SLFN5: variants seen among roughly 807,000 people sequenced by gnomAD.
SLFN5 encodes schlafen family member 5.
Under a neutral mutation model 48.5 loss-of-function variants are expected in SLFN5, and 34 were observed. That is an observed-to-expected ratio of 0.70 (90% CI 0.53 to 0.93). The LOEUF (loss-of-function observed/expected upper bound fraction) is 0.93, where lower values mean the gene tolerates loss of function less well. Among genes scored for constraint, SLFN5 ranks in the 40% least tolerant of loss-of-function variants. The pLI, the probability that SLFN5 is intolerant of heterozygous loss-of-function variation, is 0.00. For synonymous variants in SLFN5, 387 were observed against 396.2 expected (o/e 0.98, Z 0.28); for missense variants, 1,006 against 1,071.3 (o/e 0.94, Z 0.85).
At position 35,257,791 on chromosome 17, in the gene SLFN5, T is replaced by G. The variant is rs553325801; in HGVS notation, c.-40-860T>G. Among the ~76,000 whole-genome samples, 3 of 152,258 alleles carry G rather than the reference T, an allele frequency of 2.0e-5. No homozygotes were observed. The South Asian group carries it at 6.2e-4, about 32-fold the overall frequency. ...CTATGTATCTGTTCCATAGCAACAATGACAGGTTGCCAACTCAATCAGATG... is the reference window on the plus strand; with the variant it reads ...CTATGTATCTGTTCCATAGCAACAAGGACAGGTTGCCAACTCAATCAGATG... On this transcript the variant is annotated intron_variant, in intron 1 of 4. Transcript: ENST00000299977.
rs1482400838 is a variant in SLFN5, at chr17:35,260,999, C to T, written c.1041C>T (p.Leu347=). 1.2e-6 allele frequency: 2 copies of T among 1,613,956 alleles called. No individual in the cohort carries two copies. Among genetic ancestry groups the T allele is most frequent in the South Asian group, 1.1e-5 (1 of 91,066 alleles). The change falls in exon 3 of 5, where the codon CTC becomes CTT. Residue 347 remains leucine (L), a synonymous_variant. Transcript: ENST00000299977. ...TTTCCAGGTGTCCTGAGATGGTTCT[C>T]CAGTTGAGTTTGTCATCTGCCACGC... The part of the protein sequence containing the change: ...PDLSRCPEMV[L]QLSLSSATPR...
Position 35,265,176 on chromosome 17 carries a change from G to C in SLFN5, c.1964G>C (p.Arg655Pro). 6.2e-7 allele frequency: 1 copy of C among 1,614,138 alleles called. No individual in the cohort carries two copies. Among genetic ancestry groups the C allele is most frequent in the Non-Finnish European group, 8.5e-7 (1 of 1,180,020 alleles). ...ATCATTGATGACGCTCAGAATTTCC[G>C]TACTGAAGATGGGGACTGGTATGGG... ...HIIIDDAQNF[R>P]TEDGDWYGKA... Residue 655 changes from arginine (R) to proline (P), a missense_variant, in exon 5 of 5, where the codon CGT (arginine) becomes CCT (proline). Transcript: ENST00000299977.
intron 1 of SLFN5, among the ~76,000 whole-genome samples, chr17:35,247,464 G>A (rs2092433456): frequency 6.6e-6 from 1 of 152,156 alleles, no homozygotes; most frequent in Non-Finnish European, 1.5e-5. Context: ...CCACTGTGTG[G>A]ACTCCCATTT....
chr17:35,256,814 G>A (rs555083753), intron 1 of SLFN5, among the ~76,000 whole-genome samples: 18 of 152,188 alleles, frequency 1.2e-4, no homozygotes, highest in African/African-American at 3.9e-4. Flanking sequence ...CTGAAATCTG[G>A]CTTCACATAC....
rs1186332970 is a variant in SLFN5, at chr17:35,243,121, C to A, written c.-63C>A. On this transcript the variant is annotated 5_prime_UTR_variant, in exon 1 of 5. Transcript: ENST00000299977. ...CGTTGCCTGCTCCCGGAGGGAGACG[C>A]GCTGCCGAGGAGAACCCAGCGGGTA... 6.6e-6 allele frequency: 1 copy of A among 152,386 alleles called. No individual in the cohort carries two copies. The highest frequency in any genetic ancestry group is 6.5e-5 in the Admixed American group (1 of 15,286). The allele number at this position is 152,386 out of a possible 1,614,324, so 9.4% of individuals were successfully genotyped here. A position where few individuals can be genotyped will look rare whatever the true frequency, so the allele number is the denominator to read the frequency against.
At chr17:35,250,063 T>G (rs2092438875) in intron 1 of SLFN5, among the ~76,000 whole-genome samples, 1 of 152,154 alleles carries the variant, frequency 6.6e-6, no homozygotes, top group Non-Finnish European at 1.5e-5. Flanking sequence ...CTAGTAACAC[T>G]CCTGTCCCGC....
Position 35,260,562 on chromosome 17 carries a change from C to T in SLFN5, c.1013-409C>T, listed in dbSNP as rs578003603. Among the ~76,000 whole-genome samples, 3 of 151,932 alleles carry T rather than the reference C, an allele frequency of 2.0e-5. No homozygotes were observed. The East Asian group carries it at 5.8e-4, about 29-fold the overall frequency. ...CAACATGGTGAAACTCCGTCTCTAC[C>T]AAAAATACAAAAAATTAGCTGGATG... On this transcript the variant is annotated intron_variant, in intron 2 of 4. Transcript: ENST00000299977.
Position 35,265,473 on chromosome 17 carries a change from T to G in SLFN5, c.2261T>G (p.Val754Gly), listed in dbSNP as rs907485856. Residue 754 changes from valine to glycine, a missense_variant, in exon 5 of 5, where the codon GTC becomes GGC. By Grantham distance (109) the Val-to-Gly change is moderately radical (BLOSUM62 -3). Transcript: ENST00000299977. ...TATGAACCTAAATGGGCTCAAGGTG[T>G]CCCAGGCAACTTAGAGATTATTGAA... ...MLYEPKWAQGVPGNLEIIEDL... is the reference protein window; with the variant it reads ...MLYEPKWAQGGPGNLEIIEDL... The G allele has an allele frequency of 1.2e-6, 2 of 1,614,090 alleles. No homozygotes were observed. Among genetic ancestry groups the G allele is most frequent in the African/African-American group, 2.7e-5 (2 of 74,920 alleles).
At chr17:35,262,942 G>A (rs1206230559) in intron 3 of SLFN5, among the ~76,000 whole-genome samples, 4 of 152,082 alleles carry the variant, frequency 2.6e-5, no homozygotes, top group Admixed American at 2.6e-4. Flanking sequence ...CCATTGATCT[G>A]TTGCCTGTAC....
intron 1 of SLFN5, among the ~76,000 whole-genome samples, chr17:35,248,853 G>C (rs1185998351): frequency 2.0e-5 from 3 of 152,142 alleles, no homozygotes; most frequent in Non-Finnish European, 4.4e-5. Flanking sequence ...TTGTACACAT[G>C]TTGGTCAGAA....
intron 3 of SLFN5, 33 bp downstream of exon 3, chr17:35,261,129 G>T (rs1238348671): frequency 6.2e-7 from 1 of 1,602,302 alleles, no homozygotes; most frequent in South Asian, 1.1e-5. Flanking sequence ...TTTGGAATAT[G>T]TTGATTGTTC....
chr17:35,261,100 A>C lies in SLFN5; in HGVS notation c.1138+4A>C. ...CAGCAGAAACGCTACTTTCCAGGTAATTGGCCATCTCTGGTTGCTTTGGAA... is the reference window on the plus strand; with the variant it reads ...CAGCAGAAACGCTACTTTCCAGGTACTTGGCCATCTCTGGTTGCTTTGGAA... On this transcript the variant is annotated splice_donor_region_variant and intron_variant, in intron 3 of 4. Coordinates refer to ENST00000299977, the MANE Select transcript of SLFN5 (RefSeq NM_144975.4). The C allele has an allele frequency of 6.2e-7, 1 of 1,612,638 alleles. No individual in the cohort carries two copies. Among genetic ancestry groups the C allele is most frequent in the Non-Finnish European group, 8.5e-7 (1 of 1,179,012 alleles).
chr17:35,264,307 T>G lies in SLFN5; in HGVS notation c.1263T>G (p.Phe421Leu), dbSNP rs1187009351. ...CTTTCTCTCAAGGAATATTGATTTTTTCTCAAAGCTGGGCTGTGGATTTAG... is the reference window on the plus strand; with the variant it reads ...CTTTCTCTCAAGGAATATTGATTTTGTCTCAAAGCTGGGCTGTGGATTTAG... Reference protein sequence around the residue: ...MRPFSQGILIFSQSWAVDLGL... With the variant: ...MRPFSQGILILSQSWAVDLGL... Residue 421 changes from phenylalanine to leucine, a missense_variant, in exon 4 of 5, where the codon TTT becomes TTG. Physicochemically the swap from Phe to Leu is conservative, Grantham distance 22. Transcript: ENST00000299977. 2 of 1,614,200 alleles carry G rather than the reference T, an allele frequency of 1.2e-6. No individual in the cohort carries two copies. Among genetic ancestry groups the G allele is most frequent in the Admixed American group, 3.3e-5 (2 of 60,018 alleles).
intron 1 of SLFN5, among the ~76,000 whole-genome samples, chr17:35,249,329 G>A (rs2092437380): frequency 6.6e-6 from 1 of 152,154 alleles, no homozygotes; most frequent in African/African-American, 2.4e-5. Flanking sequence ...TATTGACAAG[G>A]ACACTACAGA....
In SLFN5 at chr17:35,264,559, C is replaced by G; in HGVS notation, c.1515C>G (p.Ser505Arg). The change falls in exon 4 of 5, where the codon AGC becomes AGG. Residue 505 changes from serine (S) to arginine (R), a missense_variant. Transcript: ENST00000299977. ...TGAATTCTGATAGAAAAGCACAGAG[C>G]GTTTACAGTTCGTATTTACAAATTT... ...CVLNSDRKAQSVYSSYLQIYP... is the reference protein window; with the variant it reads ...CVLNSDRKAQRVYSSYLQIYP... The G allele has an allele frequency of 6.2e-7, 1 of 1,614,152 alleles. No homozygotes were observed. The highest frequency in any genetic ancestry group is 1.1e-5 in the South Asian group (1 of 91,066).
rs1211839358 is a variant in SLFN5, at chr17:35,264,340, A to G, written c.1296A>G (p.Gln432=). 1 of 1,614,096 alleles carries G rather than the reference A, an allele frequency of 6.2e-7. No homozygotes were observed. The highest frequency in any genetic ancestry group is 8.5e-7 in the Non-Finnish European group (1 of 1,180,054). ...GCTGGGCTGTGGATTTAGGTCTGCAAGAGAAGCAGGGAGTCATCTGTGATG... is the reference window on the plus strand; with the variant it reads ...GCTGGGCTGTGGATTTAGGTCTGCAGGAGAAGCAGGGAGTCATCTGTGATG... ...SQSWAVDLGL[Q]EKQGVICDAL... Residue 432 remains glutamine (Q), a synonymous_variant, in exon 4 of 5, where the codon CAA becomes CAG. Transcript: ENST00000299977.
At chr17:35,259,884 T>G (rs1299527772) in intron 2 of SLFN5, 182 bp downstream of exon 2, 4 of 710,630 alleles carry the variant, frequency 5.6e-6, no homozygotes, top group Non-Finnish European at 9.0e-6. Context: ...CCTTCCTTTC[T>G]TCTGCCATCT....
In SLFN5 at chr17:35,259,665, A is replaced by C. The variant is rs1181258314; in HGVS notation, c.975A>C (p.Thr325=). The C allele has an allele frequency of 3.7e-6, 6 of 1,600,928 alleles. No individual in the cohort carries two copies. Among genetic ancestry groups the C allele is most frequent in the Non-Finnish European group, 4.2e-6 (5 of 1,179,852 alleles). ...ACAACCGTGTGAGACAATTGCCCAC[A>C]AGAGAATGGACTGCTTGGATGATGG... ...VKDNRVRQLP[T]REWTAWMMEA... Residue 325 remains threonine, a synonymous_variant, in exon 2 of 5, where the codon ACA becomes ACC. Transcript: ENST00000299977.
chr17:35,273,561 A>AATTGT lies in SLFN5; in HGVS notation c.*7674_*7675insTTGTA, dbSNP rs1405971032. The AATTGT allele has an allele frequency of 2.6e-5, 4 of 152,246 alleles. No individual in the cohort carries two copies. The highest frequency in any genetic ancestry group is 9.6e-5 in the African/African-American group (4 of 41,462). 9.4% of individuals were successfully genotyped at this position (152,246 alleles called of 1,614,324 possible). On this transcript the variant is annotated 3_prime_UTR_variant, in exon 5 of 5. Transcript: ENST00000299977. ...CATATGAAAAATGTAGAAAATACAA[A>AATTGT]AAGTGTCTATATATACAAAAATGTA...
Sources: allele counts gnomAD v4.1 joint callset (sites outside exome capture counted in the v4.1 genomes callset), GRCh38; gene constraint gnomAD v4.1.1; transcripts MANE v1.5; gene names NCBI Gene and HGNC (gene_info 2026-07-23, HGNC 2026-07-21).